DAB1: variants seen among roughly 807,000 people sequenced by gnomAD.
The protein encoded by DAB1 is disabled homolog 1.
A neutral mutation model predicts 64.6 loss-of-function variants in DAB1; 15 were observed. The ratio of observed to expected loss-of-function variants is 0.23; its 90% CI spans 0.16 to 0.36. DAB1 has a LOEUF of 0.36. Among genes scored for constraint, DAB1 ranks in the 10% least tolerant of loss-of-function variants. The pLI is 1.00. For synonymous variants in DAB1, 235 were observed against 251.9 expected (o/e 0.93, Z 0.64); for missense variants, 596 against 706.7 (o/e 0.84, Z 1.78).
At chr1:57,858,281 T>A (rs190232193) in intron 1 of DAB1, among the ~76,000 whole-genome samples, 2 of 152,304 alleles carry the variant, frequency 1.3e-5, no homozygotes, top group African/African-American at 4.8e-5. Flanking sequence ...TGGCTCCATA[T>A]GATAAAATAG....
At chr1:57,555,306 T>C (rs1644974659) in intron 7 of DAB1, among the ~76,000 whole-genome samples, 2 of 151,998 alleles carry the variant, frequency 1.3e-5, no homozygotes, top group African/African-American at 4.8e-5. Flanking sequence ...GTACTGGGAT[T>C]ACAGGCGTGA....
At chr1:58,470,142 TTATTTATTTA>T (rs903101965) in intron 3 of DAB1, among the ~76,000 whole-genome samples, 13 of 149,282 alleles carry the variant, frequency 8.7e-5, no homozygotes, top group African/African-American at 2.9e-4. Flanking sequence ...ATTTATTTAT[TTATTTATTTA>T]TTTATTTTTA....
chr1:58,545,991 C>A (rs1052187501), intron 1 of DAB1, among the ~76,000 whole-genome samples: 3 of 152,160 alleles, frequency 2.0e-5, no homozygotes, highest in African/African-American at 7.2e-5. Context: ...CGACCTTGAT[C>A]AACGCCTGAA....
At chr1:57,388,384 T>A (rs1318843627) in intron 1 of DAB1, among the ~76,000 whole-genome samples, 1 of 152,080 alleles carries the variant, frequency 6.6e-6, no homozygotes, top group East Asian at 1.9e-4. Context: ...TCCCTCAGAG[T>A]CCCATGGGCC....
rs74509487 is a variant in DAB1 at position 58,283,448 on chromosome 1, C to T, written n.309+59904G>A. On this transcript the variant is annotated intron_variant and non_coding_transcript_variant, in intron 4 of 20. Coordinates refer to the DAB1 transcript ENST00000485760. Reference sequence around the variant, plus strand: ...TAGCTTTCTACCCTGACCACCCTACCCCTTTCATCCAATCATCCATTCCCA... The same window carrying T: ...TAGCTTTCTACCCTGACCACCCTACTCCTTTCATCCAATCATCCATTCCCA... Among the ~76,000 whole-genome samples, 158 of 152,178 alleles carry T rather than the reference C, an allele frequency of 1.0e-3. 1 individual carries two copies. The highest frequency in any genetic ancestry group is 3.6e-3 in the African/African-American group (149 of 41,518).
chr1:57,927,103 T>C (rs192335784), intron 5 of DAB1, among the ~76,000 whole-genome samples: 2 of 152,336 alleles, frequency 1.3e-5, no homozygotes, highest in Admixed American at 6.5e-5. Context: ...ATCTGTCAAA[T>C]GTGGTTGATG....
At chr1:57,408,033 T>C (rs1383632419) in intron 1 of DAB1, among the ~76,000 whole-genome samples, 1 of 152,000 alleles carries the variant, frequency 6.6e-6, no homozygotes, top group Non-Finnish European at 1.5e-5. Context: ...TTTACAATAT[T>C]GTATGCCCAC....
upstream of DAB1, among the ~76,000 whole-genome samples, chr1:57,887,001 T>A (rs185317557): frequency 1.6e-3 from 242 of 152,320 alleles, 5 homozygotes; most frequent in South Asian, 0.042. Flanking sequence ...TAGGTGTTCA[T>A]CACTACTTCA....
intron 4 of DAB1, among the ~76,000 whole-genome samples, chr1:57,134,549 A>G (rs1657915239): frequency 8.4e-6 from 1 of 119,434 alleles, no homozygotes; most frequent in African/African-American, 3.1e-5. Context: ...GGAGAGGAAG[A>G]GAAAAAATAA....
chr1:57,103,184 G>C (rs1432874747), intron 4 of DAB1, among the ~76,000 whole-genome samples: 1 of 152,192 alleles, frequency 6.6e-6, no homozygotes, highest in Non-Finnish European at 1.5e-5. Context: ...AGGTCAGCTG[G>C]AGGGGGGCTG....
intron 4 of DAB1, among the ~76,000 whole-genome samples, chr1:58,253,052 C>G (rs1234652260): frequency 6.6e-6 from 1 of 152,126 alleles, no homozygotes; most frequent in African/African-American, 2.4e-5. Flanking sequence ...AGGGAGAGAA[C>G]AGATGCTAGT....
intron 7 of DAB1, among the ~76,000 whole-genome samples, chr1:57,508,636 G>A (rs1041454966): frequency 1.3e-5 from 2 of 152,126 alleles, no homozygotes; most frequent in African/African-American, 2.4e-5. Flanking sequence ...TAAACCAATG[G>A]GCATGGCTGG....
chr1:57,041,157 A>T (rs1557608717), intron 9 of DAB1, among the ~76,000 whole-genome samples: 1 of 152,232 alleles, frequency 6.6e-6, no homozygotes, highest in Non-Finnish European at 1.5e-5. Flanking sequence ...CAGCCGTTCC[A>T]TGCAAAATGT....
intron 4 of DAB1, among the ~76,000 whole-genome samples, chr1:58,190,461 C>T (rs1657325038): frequency 6.6e-6 from 1 of 152,166 alleles, no homozygotes; most frequent in South Asian, 2.1e-4. Context: ...TAGTTTCATG[C>T]TAGCAGTCTG....
intron 5 of DAB1, among the ~76,000 whole-genome samples, chr1:58,066,992 CT>C (rs950438673): frequency 6.6e-6 from 1 of 152,208 alleles, no homozygotes; most frequent in African/African-American, 2.4e-5. Context: ...CCAACACCTC[CT>C]CAGAGCCTTT....
At chr1:57,270,093 C>T (rs181674759) in intron 2 of DAB1, among the ~76,000 whole-genome samples, 4 of 152,296 alleles carry the variant, frequency 2.6e-5, no homozygotes, top group Non-Finnish European at 4.4e-5. Context: ...AAGCTTCTGC[C>T]ACATCCCAGA....
At position 57,829,174 on chromosome 1, in the gene DAB1, T is replaced by C. The variant is rs116403364; in HGVS notation, n.88-2719A>G. Among the ~76,000 whole-genome samples the C allele has an allele frequency of 9.8e-3, 1,493 of 152,302 alleles. 29 individuals carry two copies. The highest frequency in any genetic ancestry group is 0.034 in the African/African-American group (1,429 of 41,546). On this transcript the variant is annotated intron_variant and non_coding_transcript_variant, in intron 1 of 1. Coordinates refer to the DAB1 transcript ENST00000477280. ...GCATCTGAGCTGAGGCTGATTCTTC[T>C]CTTGCCAAGGTGCATTATGAAAAAT...
At chr1:58,276,724 C>G (rs1017338563) in intron 4 of DAB1, among the ~76,000 whole-genome samples, 3 of 152,176 alleles carry the variant, frequency 2.0e-5, no homozygotes, top group African/African-American at 4.8e-5. Flanking sequence ...GTCTCAATGA[C>G]TTGAGAACTG....
intron 3 of DAB1, among the ~76,000 whole-genome samples, chr1:58,371,842 G>A (rs544499330): frequency 6.6e-6 from 1 of 152,328 alleles, no homozygotes; most frequent in South Asian, 2.1e-4. Flanking sequence ...TCCACATGTT[G>A]TTGGGCCTGC....
Sources: gnomAD v4.1 joint callset for allele counts (sites outside exome capture counted in the v4.1 genomes callset) on GRCh38, gnomAD v4.1.1 for gene constraint, MANE v1.5 for transcripts, NCBI Gene and HGNC (gene_info 2026-07-23, HGNC 2026-07-21) for gene names.